The following OR3A2 variants were observed in gnomAD, a reference collection of about 807,000 sequenced individuals.
OR3A2 encodes the protein olfactory receptor 3A2.
For missense variants in OR3A2, 318 were observed against 392.8 expected (o/e 0.81, Z 1.61); for synonymous variants, 126 against 159.3 (o/e 0.79, Z 1.57).
intron 2 of OR3A2, among the ~76,000 whole-genome samples, chr17:3,368,281 T>C (rs2049581783): frequency 6.6e-6 from 1 of 152,242 alleles, no homozygotes; most frequent in African/African-American, 2.4e-5. Context: ...GCATTTGCTT[T>C]TGGGTTCTTG....
chr17:3,373,214 CAT>C, intron 2 of OR3A2, among the ~76,000 whole-genome samples: 1 of 152,268 alleles, frequency 6.6e-6, no homozygotes, highest in South Asian at 2.1e-4. Context: ...TGTGGCCTAT[CAT>C]GTGGTCGATC....
intron 3 of OR3A2, among the ~76,000 whole-genome samples, chr17:3,315,751 T>TAGGGGG: frequency 7.8e-6 from 1 of 128,940 alleles, no homozygotes; most frequent in African/African-American, 2.8e-5. Context: ...GGTGAAAATA[T>TAGGGGG]GGGGGGGGGG....
intron 3 of OR3A2, among the ~76,000 whole-genome samples, chr17:3,331,072 C>T (rs890963030): frequency 1.7e-4 from 26 of 152,184 alleles, no homozygotes; most frequent in Non-Finnish European, 2.6e-4. Context: ...GGGTTTCTGC[C>T]GAGAGATCAG....
intron 3 of OR3A2, among the ~76,000 whole-genome samples, chr17:3,309,226 T>C (rs575570077): frequency 6.6e-6 from 1 of 152,296 alleles, no homozygotes; most frequent in African/African-American, 2.4e-5. Context: ...TTAGCAGTGA[T>C]TAGGGCTGGG....
intron 3 of OR3A2, among the ~76,000 whole-genome samples, chr17:3,309,379 C>A (rs1050465683): frequency 1.3e-5 from 2 of 152,062 alleles, no homozygotes; most frequent in African/African-American, 4.8e-5. Flanking sequence ...GAGTGAAAAG[C>A]TCAGTGATGG....
intron 2 of OR3A2, among the ~76,000 whole-genome samples, chr17:3,371,366 C>CG (rs1200280662): frequency 1.2e-4 from 18 of 148,838 alleles, no homozygotes; most frequent in African/African-American, 4.5e-4. Flanking sequence ...GCTGGCCGGG[C>CG]GGGGGGCTGA....
intron 2 of OR3A2, among the ~76,000 whole-genome samples, chr17:3,363,357 A>G (rs1017535601): frequency 1.3e-5 from 2 of 151,804 alleles, no homozygotes; most frequent in African/African-American, 4.9e-5. Context: ...CTCAAGTTCA[A>G]AGTTCCACAG....
intron 3 of OR3A2, among the ~76,000 whole-genome samples, chr17:3,323,116 G>A (rs999359000): frequency 2.8e-4 from 43 of 152,150 alleles, no homozygotes; most frequent in Non-Finnish European, 2.6e-4. Context: ...TCCCTTTACC[G>A]TTAAGTAATG....
chr17:3,283,129 T>TGTGACTTTATAGACACTTTACA (rs2048787565), intron 1 of OR3A2, among the ~76,000 whole-genome samples: 1 of 152,170 alleles, frequency 6.6e-6, no homozygotes, highest in Admixed American at 6.5e-5. Flanking sequence ...CTTTATAGAG[T>TGTGACTTTATAGACACTTTACA]CTGTCTCTGT....
chr17:3,282,002 G>A lies in OR3A2; in HGVS notation c.-7+2356C>T, dbSNP rs117125203. On this transcript the variant is annotated intron_variant, in intron 1 of 1. Coordinates refer to ENST00000642052, the Ensembl canonical transcript of OR3A2. ...ACTCTGCCAGATTTGCAGCCTGGGA[G>A]GCATGATGATGGCTTGTTTCCCTCT... Among the ~76,000 whole-genome samples the A allele has an allele frequency of 1.8e-4, 27 of 152,292 alleles. No individual in the cohort carries two copies. In the East Asian group the frequency reaches 5.2e-3, roughly 29 times the overall value.
chr17:3,282,250 C>T (rs1168128153), intron 1 of OR3A2, among the ~76,000 whole-genome samples: 1 of 152,002 alleles, frequency 6.6e-6, no homozygotes, highest in Non-Finnish European at 1.5e-5. Context: ...CCATTCAATA[C>T]AAAAAATTAG....
intron 3 of OR3A2, among the ~76,000 whole-genome samples, chr17:3,301,879 G>A (rs540638548): frequency 8.5e-5 from 13 of 152,138 alleles, no homozygotes; most frequent in East Asian, 3.9e-4. Flanking sequence ...AAGGTGTAAC[G>A]AAGGGATCAA....
At chr17:3,368,748 G>A (rs964561644) in intron 2 of OR3A2, among the ~76,000 whole-genome samples, 1 of 152,014 alleles carries the variant, frequency 6.6e-6, no homozygotes, top group South Asian at 2.1e-4. Context: ...TGAATTTTAG[G>A]ATTGTTTTTT....
At chr17:3,329,162 C>G (rs1206196935) in intron 3 of OR3A2, among the ~76,000 whole-genome samples, 1 of 151,858 alleles carries the variant, frequency 6.6e-6, no homozygotes, top group East Asian at 1.9e-4. Context: ...GGATATTGGT[C>G]TAAAATTCTC....
chr17:3,364,487 A>C (rs1034180290), intron 2 of OR3A2, among the ~76,000 whole-genome samples: 2 of 152,244 alleles, frequency 1.3e-5, no homozygotes, highest in East Asian at 1.9e-4. Context: ...AATGCCCCCC[A>C]TCCCTGTCCA....
At chr17:3,342,401 G>T (rs2049326491) in intron 2 of OR3A2, among the ~76,000 whole-genome samples, 2 of 152,188 alleles carry the variant, frequency 1.3e-5, no homozygotes, top group South Asian at 4.1e-4. Context: ...CATCTTTGTG[G>T]TTTTATCTAC....
In OR3A2 at chr17:3,381,318, G is replaced by GT. The variant is rs76590302; in HGVS notation, c.-179+2485dup. ...GGCAGTGAGCTGCCTCAAACATAGG[G>GT]TTTTTTTTTTTTTTTTAAATTCTAG... On this transcript the variant is annotated intron_variant, in intron 2 of 4. Coordinates refer to the OR3A2 transcript ENST00000573491. Among the ~76,000 whole-genome samples, 693 of 143,358 alleles carry GT rather than the reference G, an allele frequency of 4.8e-3. 2 individuals are homozygous for GT. Among genetic ancestry groups the GT allele is most frequent in the Middle Eastern group, 0.011 (3 of 274 alleles). 94.0% of individuals were successfully genotyped at this position (143,358 alleles called of 152,430 possible).
At chr17:3,310,592 C>G (rs2049033218) in intron 3 of OR3A2, 2 of 538,222 alleles carry the variant, frequency 3.7e-6, no homozygotes, top group Non-Finnish European at 7.6e-6. Context: ...ACGACAGAAG[C>G]ATTCCCTATA....
At chr17:3,328,929 G>C (rs1405234343) in intron 3 of OR3A2, among the ~76,000 whole-genome samples, 2 of 151,728 alleles carry the variant, frequency 1.3e-5, no homozygotes, top group African/African-American at 4.9e-5. Flanking sequence ...AAGTGTTGTT[G>C]AATTTTGTCA....
Sources: allele counts gnomAD v4.1 joint callset (sites outside exome capture counted in the v4.1 genomes callset), GRCh38; gene constraint gnomAD v4.1.1; transcripts MANE v1.5; gene names NCBI Gene and HGNC (gene_info 2026-07-23, HGNC 2026-07-21).